The following CHD8 variants were observed in gnomAD, a reference collection of about 807,000 sequenced individuals.
The protein encoded by CHD8 is ATP-dependent chromatin remodeler CHD8.
CHD8 carries 31 observed loss-of-function variants against 279.2 expected under a neutral mutation model. The ratio of observed to expected loss-of-function variants is 0.11; its 90% confidence interval spans 0.08 to 0.15. The LOEUF is 0.15. Ranked by LOEUF, CHD8 falls within the 10% of genes least tolerant of loss-of-function variation. The probability of loss-of-function intolerance (pLI) is 1.00; values close to 1 mark genes in which losing one functional copy is unlikely to be tolerated. For synonymous variants in CHD8, 1,081 were observed against 1,139.6 expected (o/e 0.95, Z 1.04); for missense variants, 2,146 against 3,230.5 (o/e 0.66, Z 8.14).
At chr14:21,439,222 C>T (rs1429978648) in intron 1 of CHD8, among the ~76,000 whole-genome samples, 2 of 152,148 alleles carry the variant, frequency 1.3e-5, no homozygotes, top group African/African-American at 2.4e-5. Context: ...ACTCTGAGGA[C>T]ACAAATTAGG....
chr14:21,397,653 C>T (rs1203344984), intron 27 of CHD8, 170 bp downstream of exon 27: 11 of 604,234 alleles, frequency 1.8e-5, no homozygotes, highest in Non-Finnish European at 3.2e-5. Flanking sequence ...TATCTTATGG[C>T]AACATGTGGT....
At chr14:21,440,213 T>C (rs917514321) in intron 1 of CHD8, among the ~76,000 whole-genome samples, 2 of 151,416 alleles carry the variant, frequency 1.3e-5, no homozygotes, top group Non-Finnish European at 3.0e-5. Flanking sequence ...TTGTTGCTGG[T>C]TTTTTTTTCT....
chr14:21,448,544 AC>A (rs1890179803), intron 1 of CHD8, among the ~76,000 whole-genome samples: 2 of 152,196 alleles, frequency 1.3e-5, no homozygotes, highest in South Asian at 4.2e-4. Context: ...CAGTTTGCAC[AC>A]AGGGGTCAGC....
At position 21,401,444 on chromosome 14, in the gene CHD8, C is replaced by T; in HGVS notation, c.4132G>A (p.Ala1378Thr). The T allele has an allele frequency of 6.2e-7, 1 of 1,601,074 alleles. No individual in the cohort carries two copies. The highest frequency in any genetic ancestry group is 8.5e-7 in the Non-Finnish European group (1 of 1,173,510). ...LDDPNFWQKW[A>T]KKADLDMDLL... ...TCCATGTCTAGGTCAGCCTTTTTGG[C>T]CCACTTTTGCCAAAAGTTGGGGTCA... Residue 1378 changes from alanine (A) to threonine (T), a missense_variant, in exon 21 of 38, where the codon GCC becomes ACC. Ala to Thr is a moderately conservative substitution (Grantham distance 58). Around this residue, in one of 26 missense-constraint regions of CHD8, gnomAD observed 14 missense variants for 40.7 expected, o/e 0.34. Coordinates refer to ENST00000646647, the MANE Select transcript of CHD8 (RefSeq NM_001170629.2).
chr14:21,448,420 T>A (rs1407510935), intron 1 of CHD8, among the ~76,000 whole-genome samples: 1 of 152,228 alleles, frequency 6.6e-6, no homozygotes, highest in Non-Finnish European at 1.5e-5. Context: ...TTTTTCCTTT[T>A]AACAGAGATA....
intron 33 of CHD8, 61 bp downstream of exon 33, chr14:21,393,045 G>C: frequency 6.6e-7 from 1 of 1,524,220 alleles, no homozygotes. Context: ...CTTTTTCCCC[G>C]GATATACTGT....
At chr14:21,397,767 TAG>T in intron 27 of CHD8, 54 bp downstream of exon 27, 1 of 1,573,838 alleles carries the variant, frequency 6.4e-7, no homozygotes, top group South Asian at 1.1e-5. Flanking sequence ...CAGTCAAGGC[TAG>T]AGTTATTTCA....
At chr14:21,454,216 A>C (rs544373639) in intron 1 of CHD8, among the ~76,000 whole-genome samples, 3 of 150,268 alleles carry the variant, frequency 2.0e-5, no homozygotes, top group Non-Finnish European at 3.0e-5. Context: ...AGAAAAGAAA[A>C]GAAAACTGAC....
chr14:21,408,733 A>G lies in CHD8; in HGVS notation c.2457T>C (p.Val819=), dbSNP rs2139482336. The change falls in exon 12 of 38, where the codon GTT becomes GTC. Residue 819 remains valine (V), a synonymous_variant. Transcript: ENST00000646647. This position sits in a 1 kb window ranked among gnomAD's most constrained non-coding sequence, Gnocchi z 4.3. The stretch of plus-strand genomic sequence containing the variant: ...TATACCAATTAAAGAGCAGCCAATT[A>G]ACCCCTTCCAACTGATATTCCCGTA... ...NQLREYQLEG[V]NWLLFNWYNR... is the part of the protein sequence containing the mutation. 1 of 1,610,898 alleles carries G rather than the reference A, an allele frequency of 6.2e-7. No homozygotes were observed.
chr14:21,422,234 G>A (rs1458726526), intron 5 of CHD8, among the ~76,000 whole-genome samples: 1 of 151,908 alleles, frequency 6.6e-6, no homozygotes, highest in Non-Finnish European at 1.5e-5. Context: ...CCAGCTACTC[G>A]GGAGGCTGAG....
At chr14:21,391,430 CTT>C (rs1158141513) in intron 36 of CHD8, 31 bp downstream of exon 36, 1 of 1,600,642 alleles carries the variant, frequency 6.2e-7, no homozygotes, top group Non-Finnish European at 8.5e-7. Context: ...AAAGGAATGA[CTT>C]TAAATCTTGC....
intron 1 of CHD8, among the ~76,000 whole-genome samples, chr14:21,440,084 A>G (rs1210384937): frequency 6.6e-6 from 1 of 152,236 alleles, no homozygotes; most frequent in South Asian, 2.1e-4. Context: ...GGAAGAGGGT[A>G]AAGAGTAGGC....
At chr14:21,391,690 G>GT (rs2139442612) in intron 35 of CHD8, 48 bp from the exon 36 acceptor site, 2 of 1,075,234 alleles carry the variant, frequency 1.9e-6, no homozygotes, top group Non-Finnish European at 2.7e-6. Context: ...TTCTTTGGGG[G>GT]AGGGAGGGAG....
chr14:21,391,986 C>A (rs774546480), intron 34 of CHD8, 40 bp from the exon 35 acceptor site: 1 of 1,392,632 alleles, frequency 7.2e-7, no homozygotes, highest in South Asian at 1.2e-5. Context: ...TCATATGGTA[C>A]ATGTTTTTCA....
rs1889462340 is a variant in CHD8 at position 21,429,321 on chromosome 14, G to A, written c.858C>T (p.Arg286=). The part of the protein sequence containing the change: ...TSTPTQGESK[R]ITLVLQQPQS... ...GTGGCTGCTGGAGGACCAGGGTGATGCGTTTCGATTCACCCTAAAGTGAAG... is the reference window on the plus strand; with the variant it reads ...GTGGCTGCTGGAGGACCAGGGTGATACGTTTCGATTCACCCTAAAGTGAAG... The change falls in exon 3 of 38, where the codon CGC becomes CGT. Residue 286 remains arginine, a synonymous_variant. Coordinates refer to ENST00000646647, the MANE Select transcript of CHD8 (RefSeq NM_001170629.2). The A allele has an allele frequency of 3.7e-6, 6 of 1,602,726 alleles. No individual in the cohort carries two copies. In the East Asian group the frequency reaches 1.3e-4, roughly 36 times the overall value.
Position 21,392,056 on chromosome 14 carries a change from T to G in CHD8, c.6772-110A>C, listed in dbSNP as rs1266046333. On this transcript the variant is annotated intron_variant, in intron 34 of 37. Coordinates refer to ENST00000646647, the MANE Select transcript of CHD8 (RefSeq NM_001170629.2). ...AGGTCATCCTCTTGCCCAATGATGG[T>G]GAGAAGGAAGGCCATCTGACTAAAG... The G allele has an allele frequency of 2.7e-5, 22 of 827,882 alleles. No individual in the cohort carries two copies. The East Asian group carries it at 4.6e-4, about 17-fold the overall frequency. The allele number at this position is 827,882 out of a possible 1,614,324, so 51.3% of individuals were successfully genotyped here. A position where few individuals can be genotyped will look rare whatever the true frequency, so the allele number is the denominator to read the frequency against.
chr14:21,397,848 C>T lies in CHD8; in HGVS notation c.5026G>A (p.Asp1676Asn). The T allele has an allele frequency of 1.2e-6, 2 of 1,613,610 alleles. No individual in the cohort carries two copies. The highest frequency in any genetic ancestry group is 1.7e-6 in the Non-Finnish European group (2 of 1,179,732). ...KAIAAEHRVL[D>N]NFSDIVEGVD... ...CCTTCTACTATGTCAGAGAAGTTAT[C>T]CAACACTCGATGTTCTGCTGCAATT... The change falls in exon 27 of 38, where the codon GAT becomes AAT. Residue 1676 changes from aspartate to asparagine, a missense_variant. Asp to Asn is a conservative substitution (Grantham distance 23). Coordinates refer to ENST00000646647, the MANE Select transcript of CHD8 (RefSeq NM_001170629.2).
chr14:21,443,166 A>T (rs1293458046), intron 1 of CHD8, among the ~76,000 whole-genome samples: 16 of 148,308 alleles, frequency 1.1e-4, no homozygotes, highest in Middle Eastern at 3.6e-3. Flanking sequence ...CCGAGGCGGG[A>T]GGATCACCAG....
At position 21,429,417 on chromosome 14, in the gene CHD8, C is replaced by T. The variant is rs778344173; in HGVS notation, c.844-82G>A. 5 of 1,405,718 alleles carry T rather than the reference C, an allele frequency of 3.6e-6. No individual in the cohort carries two copies. The East Asian group carries it at 9.1e-5, about 26-fold the overall frequency. 87.1% of individuals were successfully genotyped at this position (1,405,718 alleles called of 1,614,324 possible). A position where few individuals can be genotyped will look rare whatever the true frequency, so the allele number is the denominator to read the frequency against. On this transcript the variant is annotated intron_variant, in intron 2 of 37. Transcript: ENST00000646647. The stretch of plus-strand genomic sequence containing the variant: ...AATATTTACACCAGTTTTCTTCATG[C>T]TAGAATCATAAAAACTACAGGTCAG...
Sources: allele counts gnomAD v4.1 joint callset (sites outside exome capture counted in the v4.1 genomes callset), GRCh38; gene constraint gnomAD v4.1.1; regional missense constraint gnomAD v4.1.1; non-coding constraint Gnocchi (gnomAD v3.1); transcripts MANE v1.5; gene names NCBI Gene and HGNC (gene_info 2026-07-23, HGNC 2026-07-21).